Variants in WWC1 observed in about 807,000 individuals in gnomAD.
WWC1 encodes the protein protein KIBRA.
A neutral mutation model predicts 138.4 loss-of-function variants in WWC1; 55 were observed. That is an observed-to-expected ratio of 0.40 (90% confidence interval 0.32 to 0.50). WWC1 has a LOEUF of 0.50. Ranked by LOEUF, WWC1 falls within the 20% of genes least tolerant of loss-of-function variation. The pLI is 0.72. For missense variants in WWC1, 1,226 were observed against 1,420.4 expected, an observed-to-expected ratio of 0.86 and a Z score of 2.20; for synonymous variants, 524 against 564.9, an observed-to-expected ratio of 0.93 and a Z score of 1.03.
chr5:168,422,372 T>A (rs750551886), intron 10 of WWC1, among the ~76,000 whole-genome samples: 6 of 152,212 alleles, frequency 3.9e-5, no homozygotes, highest in South Asian at 2.1e-4. Context: ...CTCACACCTG[T>A]AATCCCAGCA....
intron 3 of WWC1, among the ~76,000 whole-genome samples, chr5:168,386,059 T>C (rs1475143478): frequency 6.6e-6 from 1 of 151,976 alleles, no homozygotes; most frequent in Non-Finnish European, 1.5e-5. Context: ...AGTGCCTTAG[T>C]ATGTGCCGGT....
intron 1 of WWC1, among the ~76,000 whole-genome samples, chr5:168,351,583 G>A (rs932418931): frequency 2.0e-5 from 3 of 152,228 alleles, no homozygotes; most frequent in African/African-American, 4.8e-5. Context: ...GGCTGTGGGA[G>A]ATGAGAAGAG....
intron 20 of WWC1, among the ~76,000 whole-genome samples, chr5:168,462,012 C>T (rs150053515): frequency 0.11 from 16,552 of 151,208 alleles, 1,259 homozygotes; most frequent in Non-Finnish European, 0.16. Flanking sequence ...GCCGAGATCG[C>T]GCCGTTGCAC....
At chr5:168,312,881 T>A (rs973971909) in intron 1 of WWC1, among the ~76,000 whole-genome samples, 6 of 150,808 alleles carry the variant, frequency 4.0e-5, no homozygotes, top group African/African-American at 1.5e-4. Flanking sequence ...AATGGCATGA[T>A]CTCTGCAACC....
At position 168,460,633 on chromosome 5, in the gene WWC1, T is replaced by C. The variant is rs1209004428; in HGVS notation, c.2824-17T>C. ...CACTCTGACCATGTTTAAGATTCCA[T>C]GACTTTTCTCTTGCAGCTGAATCGG... On this transcript the variant is annotated splice_polypyrimidine_tract_variant and intron_variant, in intron 19 of 22. Transcript: ENST00000265293. The C allele has an allele frequency of 6.2e-7, 1 of 1,613,410 alleles. No individual in the cohort carries two copies. Among genetic ancestry groups the C allele is most frequent in the South Asian group, 1.1e-5 (1 of 91,076 alleles).
At chr5:168,468,630 C>T (rs1345190172) in intron 22 of WWC1, among the ~76,000 whole-genome samples, 2 of 152,196 alleles carry the variant, frequency 1.3e-5, no homozygotes, top group Non-Finnish European at 2.9e-5. Flanking sequence ...GCCCAAGGGT[C>T]CTTTTAAACT....
chr5:168,383,044 C>T (rs773613058), intron 2 of WWC1, among the ~76,000 whole-genome samples: 36 of 151,938 alleles, frequency 2.4e-4, no homozygotes, highest in Non-Finnish European at 4.6e-4. Context: ...GGCGTAGTGG[C>T]AGGCGCCTGT....
intron 1 of WWC1, among the ~76,000 whole-genome samples, chr5:168,351,594 G>A (rs1774960564): frequency 6.6e-6 from 1 of 152,198 alleles, no homozygotes; most frequent in South Asian, 2.1e-4. Flanking sequence ...ATGAGAAGAG[G>A]TTGCTCTCCT....
intron 1 of WWC1, among the ~76,000 whole-genome samples, chr5:168,356,389 G>A (rs1274574730): frequency 6.6e-6 from 1 of 152,232 alleles, no homozygotes; most frequent in East Asian, 1.9e-4. Context: ...GGGTTCCAAA[G>A]GCTTTGCCCG....
intron 20 of WWC1, among the ~76,000 whole-genome samples, chr5:168,461,246 C>T (rs905024839): frequency 2.0e-5 from 3 of 151,464 alleles, no homozygotes; most frequent in South Asian, 2.1e-4. Context: ...GCAGGAGAAT[C>T]GCTTAAACGC....
intron 17 of WWC1, among the ~76,000 whole-genome samples, chr5:168,445,398 A>T (rs996851460): frequency 3.3e-5 from 5 of 149,358 alleles, no homozygotes; most frequent in African/African-American, 1.2e-4. Context: ...ATCTCAAAAA[A>T]TTTTTAAAAT....
intron 15 of WWC1, 109 bp downstream of exon 15, chr5:168,431,553 G>T: frequency 8.1e-7 from 1 of 1,241,150 alleles, no homozygotes. Flanking sequence ...GCTTCAGGAA[G>T]AAGGTTCGAA....
chr5:168,377,005 G>C (rs1287709371), intron 2 of WWC1, among the ~76,000 whole-genome samples: 9 of 152,074 alleles, frequency 5.9e-5, no homozygotes, highest in Admixed American at 5.9e-4. Flanking sequence ...AAAGCCAGAG[G>C]CATCATATTA....
intron 19 of WWC1, among the ~76,000 whole-genome samples, chr5:168,456,265 C>T (rs1756305218): frequency 6.6e-6 from 1 of 151,880 alleles, no homozygotes. Context: ...GATTGCGCCA[C>T]AGCACTCCAG....
At chr5:168,441,857 A>G in intron 16 of WWC1, 23 bp downstream of exon 16, 2 of 1,607,672 alleles carry the variant, frequency 1.2e-6, no homozygotes, top group Non-Finnish European at 1.7e-6. Context: ...CAGGTGTGCC[A>G]CCTTCCCACA....
At chr5:168,324,915 G>C (rs1028436961) in intron 1 of WWC1, among the ~76,000 whole-genome samples, 2 of 152,120 alleles carry the variant, frequency 1.3e-5, no homozygotes, top group Admixed American at 1.3e-4. Flanking sequence ...ACAATAATAG[G>C]GTGATTCATC....
intron 2 of WWC1, among the ~76,000 whole-genome samples, chr5:168,372,798 A>T (rs541155705): frequency 2.1e-4 from 32 of 152,294 alleles, no homozygotes; most frequent in African/African-American, 7.5e-4. Flanking sequence ...CTGTATTATA[A>T]TCATTTGCCT....
intron 15 of WWC1, among the ~76,000 whole-genome samples, chr5:168,438,799 A>G (rs1452743302): frequency 6.6e-6 from 1 of 152,132 alleles, no homozygotes; most frequent in Non-Finnish European, 1.5e-5. Flanking sequence ...GTAGGGGAAA[A>G]AAAAAACAGT....
At chr5:168,427,989 A>C in intron 11 of WWC1, 44 bp from the exon 12 acceptor site, 1 of 1,565,092 alleles carries the variant, frequency 6.4e-7, no homozygotes, top group Non-Finnish European at 8.8e-7. Flanking sequence ...TCGCAAAGGC[A>C]GTTTCCTGGT....
Sources: allele counts gnomAD v4.1 joint callset (sites outside exome capture counted in the v4.1 genomes callset), GRCh38; gene constraint gnomAD v4.1.1; transcripts MANE v1.5; gene names NCBI Gene and HGNC (gene_info 2026-07-23, HGNC 2026-07-21).